Variants in XKRX observed in about 807,000 individuals in gnomAD.
The protein encoded by XKRX is XK related X-linked.
In XKRX, 11 loss-of-function variants were observed where a neutral mutation model predicts 22.4. That is an observed-to-expected ratio of 0.49 (90% confidence interval 0.31 to 0.81). The LOEUF (loss-of-function observed/expected upper bound fraction) is 0.81. Among genes scored for constraint, XKRX ranks in the 40% least tolerant of loss-of-function variants. The pLI is 0.05. For synonymous variants in XKRX, 114 were observed against 132.2 expected, an observed-to-expected ratio of 0.86 and a Z score of 0.94; for missense variants, 320 against 336.5, an observed-to-expected ratio of 0.95 and a Z score of 0.38.
the XKRX span, chrX:100,956,680 C>G: frequency 1.8e-6 from 1 of 551,031 alleles, no homozygotes; most frequent in South Asian, 2.3e-5. Flanking sequence ...TTTTGGACCT[C>G]TCATGAAAGT....
chrX:100,903,439 C>T, the XKRX span, among the ~76,000 whole-genome samples: 1 of 112,158 alleles, frequency 8.9e-6, no homozygotes, highest in Non-Finnish European at 1.9e-5. Context: ...TATATACCAG[C>T]AATGAACAAG....
chrX:100,928,622 C>T lies in XKRX; in HGVS notation c.-318G>A, dbSNP rs1410059829. The stretch of plus-strand genomic sequence containing the variant: ...AGCATCCCAGCGCCCCATCCAGAGT[C>T]CAACTCCAGGGACGTGAAGAGTCAT... On this transcript the variant is annotated 5_prime_UTR_variant, in exon 1 of 3. Coordinates refer to ENST00000372956, the MANE Select transcript of XKRX (RefSeq NM_212559.3). 2 of 865,133 alleles carry T rather than the reference C, an allele frequency of 2.3e-6. No individual in the cohort carries two copies. Among genetic ancestry groups the T allele is most frequent in the Admixed American group, 6.3e-5 (1 of 15,905 alleles). 71.3% of individuals were successfully genotyped at this position (865,133 alleles called of 1,213,427 possible). A position where few individuals can be genotyped will look rare whatever the true frequency, so the allele number is the denominator to read the frequency against.
chrX:100,926,269 A>G (rs933256352), intron 1 of XKRX, among the ~76,000 whole-genome samples: 2 of 111,715 alleles, frequency 1.8e-5, no homozygotes, highest in East Asian at 5.6e-4. Context: ...CTGTGAAGCC[A>G]TCTTCAGAGA....
the XKRX span, among the ~76,000 whole-genome samples, chrX:100,954,278 G>A: frequency 9.0e-6 from 1 of 111,143 alleles, no homozygotes; most frequent in Non-Finnish European, 1.9e-5. Flanking sequence ...ACTTAGCCAG[G>A]TGTGGTGGCA....
the XKRX span, among the ~76,000 whole-genome samples, chrX:100,957,733 T>C: frequency 8.9e-6 from 1 of 112,579 alleles, no homozygotes; most frequent in African/African-American, 3.2e-5. Context: ...TTTGTGAAAA[T>C]ACTGCACTAT....
At chrX:100,917,716 AAG>A (rs1491223752) in intron 2 of XKRX, among the ~76,000 whole-genome samples, 1 of 107,854 alleles carries the variant, frequency 9.3e-6, no homozygotes, top group Non-Finnish European at 1.9e-5. Flanking sequence ...GAAAGAAAGA[AAG>A]AAAGAAATCC....
At chrX:100,926,561 T>C (rs748427003) in intron 1 of XKRX, among the ~76,000 whole-genome samples, 1 of 112,031 alleles carries the variant, frequency 8.9e-6, no homozygotes, top group African/African-American at 3.2e-5. Flanking sequence ...TATCTTCCCA[T>C]TGCAACACTC....
At chrX:100,954,372 T>C in the XKRX span, among the ~76,000 whole-genome samples, 235 of 109,926 alleles carry the variant, frequency 2.1e-3, 1 homozygote, top group African/African-American at 7.4e-3. Context: ...TGAGCCAAGA[T>C]TGTGCCACTG....
At chrX:100,917,777 C>T (rs1229796745) in intron 2 of XKRX, among the ~76,000 whole-genome samples, 3 of 106,768 alleles carry the variant, frequency 2.8e-5, no homozygotes, top group Non-Finnish European at 3.8e-5. Flanking sequence ...TATCTATGTA[C>T]CTCAGTTCTC....
chrX:100,956,618 T>C, the XKRX span: 1 of 524,037 alleles, frequency 1.9e-6, no homozygotes, highest in Admixed American at 2.3e-5. Flanking sequence ...TATGAACTCT[T>C]TTTTAAGAAA....
Position 100,928,050 on chromosome X carries a change from G to A in XKRX, c.255C>T (p.Leu85=). 1 of 1,211,026 alleles carries A rather than the reference G, an allele frequency of 8.3e-7. No individual in the cohort carries two copies. The change falls in exon 1 of 3, where the codon CTC becomes CTT. Residue 85 remains leucine, a synonymous_variant. Coordinates refer to ENST00000372956, the MANE Select transcript of XKRX (RefSeq NM_212559.3). Reference sequence around the variant, plus strand: ...TGGCTAGATCTCTGTGGACAAAAATGAGGGTCAACTGGACCATAATGGATG... The same window carrying A: ...TGGCTAGATCTCTGTGGACAAAAATAAGGGTCAACTGGACCATAATGGATG... The part of the protein sequence containing the change: ...MFSSIMVQLT[L]IFVHRDLAKD...
intron 1 of XKRX, 86 bp from the exon 2 acceptor site, chrX:100,923,147 T>G (rs2147942380): frequency 9.3e-7 from 1 of 1,073,102 alleles, no homozygotes; most frequent in East Asian, 3.0e-5. Context: ...CTTGGGGAGG[T>G]TGTGCTACTT....
chrX:100,911,516 A>T, downstream of XKRX: 1 of 652,468 alleles, frequency 1.5e-6, no homozygotes, highest in Non-Finnish European at 2.6e-6. Context: ...ATAATTATTG[A>T]GGACTACAAA....
Position 100,922,961 on chromosome X carries a change from C to A in XKRX, c.436G>T (p.Glu146Ter). 1 of 1,211,690 alleles carries A rather than the reference C, an allele frequency of 8.3e-7. No homozygotes were observed. Among genetic ancestry groups the A allele is most frequent in the Non-Finnish European group, 1.1e-6 (1 of 895,476 alleles). ...LTRKKMLIDG[E>*]EVLIEWEVGH... ...ACCTCCCATTCTATCAGCACCTCCT[C>A]GCCATCTATTAGCATCTTCTTTCGG... The change falls in exon 2 of 3, where the codon GAG becomes TAG. Residue 146 changes from glutamate to a stop codon, truncating the protein, a stop_gained. Transcript: ENST00000372956. LOFTEE classifies it high-confidence loss of function.
At chrX:100,923,143 G>T in intron 1 of XKRX, 82 bp from the exon 2 acceptor site, 1 of 1,102,414 alleles carries the variant, frequency 9.1e-7, no homozygotes, top group Non-Finnish European at 1.2e-6. Context: ...ATAACTTGGG[G>T]AGGTTGTGCT....
the XKRX span, among the ~76,000 whole-genome samples, chrX:100,904,028 A>C: frequency 8.9e-6 from 1 of 112,035 alleles, no homozygotes; most frequent in African/African-American, 3.2e-5. Context: ...AGAATAGCCA[A>C]CTTGGTATTG....
chrX:100,943,547 G>A, the XKRX span, among the ~76,000 whole-genome samples: 16 of 111,271 alleles, frequency 1.4e-4, no homozygotes, highest in African/African-American at 4.6e-4. Context: ...GGGATTACAG[G>A]TGCCTGCCAC....
At chrX:100,911,305 A>G (rs1602409008), downstream of XKRX, 3 of 1,020,841 alleles carry the variant, frequency 2.9e-6, no homozygotes, top group East Asian at 9.1e-5. Context: ...TACTTGGTGT[A>G]AAGAAGAATC....
the XKRX span, among the ~76,000 whole-genome samples, chrX:100,936,868 C>T: frequency 9.1e-6 from 1 of 109,587 alleles, no homozygotes; most frequent in Non-Finnish European, 1.9e-5. Context: ...CACCTGGTCC[C>T]CCCACCCCCC....
Sources: allele counts gnomAD v4.1 joint callset (sites outside exome capture counted in the v4.1 genomes callset), GRCh38; gene constraint gnomAD v4.1.1; transcripts MANE v1.5; gene names NCBI Gene and HGNC (gene_info 2026-07-23, HGNC 2026-07-21).